The following ANKMY2 variants were observed in gnomAD, a reference collection of about 807,000 sequenced individuals.
The protein encoded by ANKMY2 is ankyrin repeat and MYND domain containing 2.
Under a neutral mutation model 50.4 loss-of-function variants are expected in ANKMY2, and 36 were observed. The ratio of observed to expected loss-of-function variants is 0.71; its 90% confidence interval spans 0.55 to 0.94. The LOEUF (loss-of-function observed/expected upper bound fraction) is 0.94, where lower values mean the gene tolerates loss of function less well. ANKMY2 is among the 40% of genes least tolerant of loss of function. The pLI is 0.00. For missense variants in ANKMY2, 565 were observed against 524.0 expected (o/e 1.08, Z -0.76); for synonymous variants, 187 against 178.8 (o/e 1.05, Z -0.36).
intron 4 of ANKMY2, among the ~76,000 whole-genome samples, chr7:16,624,201 T>C (rs1351027483): frequency 6.6e-6 from 1 of 152,190 alleles, no homozygotes; most frequent in African/African-American, 2.4e-5. Context: ...ATTATTTGTT[T>C]AATGAATTAT....
chr7:16,633,071 T>C (rs1316960211), intron 2 of ANKMY2, among the ~76,000 whole-genome samples: 3 of 152,174 alleles, frequency 2.0e-5, no homozygotes, highest in African/African-American at 7.2e-5. Flanking sequence ...TCTATCCAGA[T>C]CCTTGGCTCA....
chr7:16,622,431 G>A (rs766125967), intron 4 of ANKMY2, among the ~76,000 whole-genome samples: 25 of 152,094 alleles, frequency 1.6e-4, no homozygotes, highest in Non-Finnish European at 2.6e-4. Flanking sequence ...CTTTTGGAAA[G>A]GAATCTAGAC....
At chr7:16,630,616 A>T (rs1263167212) in intron 2 of ANKMY2, among the ~76,000 whole-genome samples, 2 of 152,210 alleles carry the variant, frequency 1.3e-5, no homozygotes, top group Non-Finnish European at 2.9e-5. Flanking sequence ...CATGTCAGAC[A>T]CTGATCTATA....
chr7:16,632,950 A>G (rs11983857), intron 2 of ANKMY2, among the ~76,000 whole-genome samples: 15,419 of 152,126 alleles, frequency 0.1, 1,833 homozygotes, highest in African/African-American at 0.28. Context: ...ATCCTGGTGG[A>G]TATGAAGTGG....
In ANKMY2 at chr7:16,613,055, A is replaced by T. The variant is rs189678768; in HGVS notation, c.532-2292T>A. Among the ~76,000 whole-genome samples the T allele has an allele frequency of 5.6e-3, 858 of 152,256 alleles. 10 individuals carry two copies. Among genetic ancestry groups the T allele is most frequent in the African/African-American group, 0.019 (776 of 41,546 alleles). ...GAAAATCACAATAATCAAAGACATG[A>T]TTGTTCTGTGCACATCTGCCTCCTG... On this transcript the variant is annotated intron_variant, in intron 5 of 9. Transcript: ENST00000306999.
intron 2 of ANKMY2, among the ~76,000 whole-genome samples, chr7:16,628,156 G>A (rs917778304): frequency 6.6e-6 from 1 of 152,172 alleles, no homozygotes; most frequent in Non-Finnish European, 1.5e-5. Flanking sequence ...TAGTGTAGGC[G>A]AAACGCTGTA....
intron 2 of ANKMY2, among the ~76,000 whole-genome samples, chr7:16,628,257 T>C (rs1051255798): frequency 1.3e-5 from 2 of 152,178 alleles, no homozygotes; most frequent in East Asian, 3.8e-4. Flanking sequence ...TAACATAATG[T>C]AAATTATTCT....
intron 1 of ANKMY2, among the ~76,000 whole-genome samples, chr7:16,643,533 ACTCATGCAACTTGATGCACCG>A (rs1183991918): frequency 1.3e-5 from 2 of 149,444 alleles, no homozygotes; most frequent in African/African-American, 5.2e-5. Flanking sequence ...GCATCAGTGC[ACTCATGCAACTTGATGCACCG>A]TGTGAGCCCA....
intron 7 of ANKMY2, among the ~76,000 whole-genome samples, chr7:16,608,994 C>T (rs909387986): frequency 6.6e-6 from 1 of 152,120 alleles, no homozygotes; most frequent in Non-Finnish European, 1.5e-5. Flanking sequence ...GAAACAGACT[C>T]TGTCGCAAAA....
At chr7:16,628,164 G>GT (rs1284329789) in intron 2 of ANKMY2, among the ~76,000 whole-genome samples, 2 of 152,206 alleles carry the variant, frequency 1.3e-5, no homozygotes, top group Non-Finnish European at 2.9e-5. Context: ...GCGAAACGCT[G>GT]TAAGTACCAA....
chr7:16,609,614 G>C lies in ANKMY2; in HGVS notation c.882+16C>G, dbSNP rs138923760. 1.3e-4 allele frequency: 203 copies of C among 1,590,404 alleles called. No homozygotes were observed. Among genetic ancestry groups the C allele is most frequent in the Non-Finnish European group, 1.7e-4 (199 of 1,173,286 alleles). ...GGTTTTACTGATAGAGTCAACTTAG[G>C]TAAGAGGAGCCTTACAATTTCAACA... On this transcript the variant is annotated intron_variant, in intron 7 of 9. Transcript: ENST00000306999.
Position 16,602,387 on chromosome 7 carries a change from CTCT to C in ANKMY2, c.1131_1133del (p.Glu379del). On this transcript the variant is annotated inframe_deletion, in exon 9 of 10. Coordinates refer to ENST00000306999, the MANE Select transcript of ANKMY2 (RefSeq NM_020319.3). ...CGGTTTTTATATACATACGGTTTTC[CTCT>C]TGTCTCTTTTCTTTGGCAGCCTCCA... The C allele has an allele frequency of 6.2e-7, 1 of 1,612,476 alleles. No individual in the cohort carries two copies.
chr7:16,629,027 C>T (rs780578929), intron 2 of ANKMY2, among the ~76,000 whole-genome samples: 5 of 152,312 alleles, frequency 3.3e-5, no homozygotes, highest in Admixed American at 2.0e-4. Context: ...TCTCACATCT[C>T]CAACTGTCCT....
chr7:16,641,930 A>C (rs539551360), intron 1 of ANKMY2, among the ~76,000 whole-genome samples: 4 of 152,324 alleles, frequency 2.6e-5, no homozygotes, highest in Non-Finnish European at 5.9e-5. Context: ...AAGAGGCATA[A>C]GGACTTTTTA....
In ANKMY2 at chr7:16,607,334, G is replaced by C. The variant is rs945826760; in HGVS notation, c.882+2296C>G. Among the ~76,000 whole-genome samples, 5 of 152,256 alleles carry C rather than the reference G, an allele frequency of 3.3e-5. No homozygotes were observed. In the South Asian group the frequency reaches 1.0e-3, roughly 32 times the overall value. On this transcript the variant is annotated intron_variant, in intron 7 of 9. Transcript: ENST00000306999. ...TAATCTCAGCACTTTGGGAGGCCAA[G>C]GCGGGCAGATCACTTGAGGTCAGGA...
intron 2 of ANKMY2, among the ~76,000 whole-genome samples, chr7:16,635,416 C>CT (rs1781644544): frequency 6.6e-6 from 1 of 152,052 alleles, no homozygotes; most frequent in Non-Finnish European, 1.5e-5. Flanking sequence ...TGGATATCTA[C>CT]GTTATCTTGA....
At chr7:16,602,240 AAAATTT>A in intron 9 of ANKMY2, 134 bp downstream of exon 9, 1 of 1,030,346 alleles carries the variant, frequency 9.7e-7, no homozygotes, top group Non-Finnish European at 1.4e-6. Context: ...GGGACACATT[AAAATTT>A]AAATGTGATT....
At chr7:16,604,308 A>G (rs1307926911) in intron 8 of ANKMY2, among the ~76,000 whole-genome samples, 2 of 152,238 alleles carry the variant, frequency 1.3e-5, no homozygotes, top group African/African-American at 4.8e-5. Context: ...TTTTACAAGG[A>G]TATGTTGATG....
rs184255705 is a variant in ANKMY2 at position 16,631,872 on chromosome 7, C to T, written c.132+4519G>A. Reference sequence around the variant, plus strand: ...TCAGGTGATCCAACCGCCTCGGCCTCCCAAAGTACTGAGATTACAGGCGTG... The same window carrying T: ...TCAGGTGATCCAACCGCCTCGGCCTTCCAAAGTACTGAGATTACAGGCGTG... On this transcript the variant is annotated intron_variant, in intron 2 of 9. Transcript: ENST00000306999. 2.0e-5 allele frequency among the ~76,000 whole-genome samples: 3 copies of T among 152,260 alleles called. No homozygotes were observed. In the East Asian group the frequency reaches 5.8e-4, roughly 29 times the overall value.
Sources: allele counts gnomAD v4.1 joint callset (sites outside exome capture counted in the v4.1 genomes callset), GRCh38; gene constraint gnomAD v4.1.1; transcripts MANE v1.5; gene names NCBI Gene and HGNC (gene_info 2026-07-23, HGNC 2026-07-21).